RAB3GAP2: variants seen among roughly 807,000 people sequenced by gnomAD.
The protein encoded by RAB3GAP2 is RAB3 GTPase activating non-catalytic protein subunit 2, also known as rab3 GTPase-activating protein non-catalytic subunit.
In RAB3GAP2, 87 loss-of-function variants were observed where a neutral mutation model predicts 185.3. The ratio of observed to expected loss-of-function variants is 0.47; its 90% CI spans 0.39 to 0.56. The LOEUF (loss-of-function observed/expected upper bound fraction) is 0.56, where lower values mean the gene tolerates loss of function less well. Ranked by LOEUF, RAB3GAP2 falls within the 20% of genes least tolerant of loss-of-function variation. RAB3GAP2 has a pLI of 0.00. For synonymous variants in RAB3GAP2, 554 were observed against 576.1 expected (o/e 0.96, Z 0.55); for missense variants, 1,492 against 1,638.2 (o/e 0.91, Z 1.54).
intron 24 of RAB3GAP2, among the ~76,000 whole-genome samples, chr1:220,168,559 G>A (rs891686635): frequency 1.2e-4 from 18 of 151,346 alleles, no homozygotes; most frequent in Non-Finnish European, 1.5e-4. Context: ...CACCATGCCC[G>A]GCTAAATTTT....
At chr1:220,208,626 A>G (rs1659019321) in intron 7 of RAB3GAP2, among the ~76,000 whole-genome samples, 1 of 152,244 alleles carries the variant, frequency 6.6e-6, no homozygotes, top group East Asian at 1.9e-4. Flanking sequence ...GGCATTCCTC[A>G]GGATAAGTAT....
At chr1:220,213,123 A>G (rs991262203) in intron 3 of RAB3GAP2, among the ~76,000 whole-genome samples, 155 bp from the exon 4 acceptor site, 2 of 152,230 alleles carry the variant, frequency 1.3e-5, no homozygotes, top group Non-Finnish European at 2.9e-5. Flanking sequence ...AATATAAGAT[A>G]AACATGTTTA....
chr1:220,177,467 G>C (rs963527370), intron 21 of RAB3GAP2, among the ~76,000 whole-genome samples: 13 of 152,126 alleles, frequency 8.5e-5, no homozygotes, highest in African/African-American at 3.1e-4. Flanking sequence ...AATGGACAAA[G>C]AAAGGCACCA....
chr1:220,211,087 T>A, intron 4 of RAB3GAP2, 85 bp from the exon 5 acceptor site: 1 of 1,322,836 alleles, frequency 7.6e-7, no homozygotes. Flanking sequence ...TAAAGGATAA[T>A]AACTGGAAGA....
At chr1:220,198,070 C>T (rs1239944492) in intron 9 of RAB3GAP2, among the ~76,000 whole-genome samples, 1 of 152,090 alleles carries the variant, frequency 6.6e-6, no homozygotes, top group African/African-American at 2.4e-5. Context: ...TTATCAAGTA[C>T]CTCTTGGGAT....
Position 220,190,372 on chromosome 1 carries a change from C to A in RAB3GAP2, c.1631+5G>T, listed in dbSNP as rs1427648438. 10 of 1,613,946 alleles carry A rather than the reference C, an allele frequency of 6.2e-6. No homozygotes were observed. The highest frequency in any genetic ancestry group is 8.5e-6 in the Non-Finnish European group (10 of 1,179,982). ...CGTCAATCAGCAACACTGGACACAC[C>A]TTACCTCAGTGCTAAATGGAAGGGA... On this transcript the variant is annotated splice_donor_5th_base_variant and intron_variant, in intron 15 of 34. Coordinates refer to ENST00000358951, the MANE Select transcript of RAB3GAP2 (RefSeq NM_012414.4).
At chr1:220,253,992 T>G in intron 1 of RAB3GAP2, 1 of 1,613,836 alleles carries the variant, frequency 6.2e-7, no homozygotes. Context: ...CCCGGGTAGA[T>G]CCTACTGTTG....
intron 2 of RAB3GAP2, among the ~76,000 whole-genome samples, chr1:220,222,513 T>C (rs960208440): frequency 1.3e-5 from 2 of 152,152 alleles, no homozygotes; most frequent in Admixed American, 1.3e-4. Flanking sequence ...CTTTCTAAAT[T>C]TGATTTGAAG....
At position 220,151,476 on chromosome 1, in the gene RAB3GAP2, T is replaced by C. The variant is rs897110147; in HGVS notation, c.4027-70A>G. Reference sequence around the variant, plus strand: ...ATAATTGTTATTGACTTAAGAGTTATTACATAAAAATGCTTTTCTTTGTAA... The same window carrying C: ...ATAATTGTTATTGACTTAAGAGTTACTACATAAAAATGCTTTTCTTTGTAA... On this transcript the variant is annotated intron_variant, in intron 34 of 34. Transcript: ENST00000358951. 14 of 1,606,340 alleles carry C rather than the reference T, an allele frequency of 8.7e-6. No individual in the cohort carries two copies. In the African/African-American group the frequency reaches 1.7e-4, roughly 20 times the overall value.
intron 1 of RAB3GAP2, among the ~76,000 whole-genome samples, chr1:220,250,859 T>C (rs1659919069): frequency 6.6e-6 from 1 of 152,216 alleles, no homozygotes; most frequent in South Asian, 2.1e-4. Flanking sequence ...ATGTGTTTGC[T>C]TCCCCTTCCT....
chr1:220,184,004 T>C, intron 19 of RAB3GAP2, 32 bp downstream of exon 19: 1 of 1,426,602 alleles, frequency 7.0e-7, no homozygotes, highest in Non-Finnish European at 9.5e-7. Context: ...AAAGAGATTA[T>C]TTTATATAAT....
chr1:220,180,400 T>C (rs1558146594), intron 21 of RAB3GAP2, among the ~76,000 whole-genome samples: 2 of 152,114 alleles, frequency 1.3e-5, no homozygotes, highest in South Asian at 2.1e-4. Context: ...AACCTTTAGT[T>C]AGACTAAGAA....
chr1:220,193,184 C>G (rs886754278), intron 13 of RAB3GAP2, 56 bp downstream of exon 13: 9 of 1,593,646 alleles, frequency 5.6e-6, no homozygotes, highest in Admixed American at 5.0e-5. Flanking sequence ...TAACATTGCT[C>G]AACTATTGGG....
At chr1:220,267,883 G>T in intron 1 of RAB3GAP2, 1 of 822,680 alleles carries the variant, frequency 1.2e-6, no homozygotes, top group Non-Finnish European at 2.1e-6. Context: ...GCCTCAACAG[G>T]CCCTGAAATG....
intron 21 of RAB3GAP2, among the ~76,000 whole-genome samples, chr1:220,177,139 C>T (rs2102862308): frequency 6.6e-6 from 1 of 152,332 alleles, no homozygotes; most frequent in Non-Finnish European, 1.5e-5. Flanking sequence ...AGGTCCCTGG[C>T]CAGTATTCCC....
chr1:220,271,700 G>T (rs1450991731), intron 1 of RAB3GAP2, among the ~76,000 whole-genome samples: 3 of 152,100 alleles, frequency 2.0e-5, no homozygotes, highest in African/African-American at 7.2e-5. Context: ...AAAGAAGGGA[G>T]AGTGTGGGGG....
intron 28 of RAB3GAP2, among the ~76,000 whole-genome samples, chr1:220,161,189 G>A (rs1657957600): frequency 6.6e-6 from 1 of 152,168 alleles, no homozygotes; most frequent in Admixed American, 6.5e-5. Context: ...CAAGGAAGAT[G>A]AGCACAGAGG....
chr1:220,187,328 C>A (rs1266092370), intron 17 of RAB3GAP2, among the ~76,000 whole-genome samples: 2 of 151,958 alleles, frequency 1.3e-5, no homozygotes, highest in African/African-American at 4.8e-5. Flanking sequence ...CTAGGAGAAC[C>A]TTTTGTTCTA....
chr1:220,232,167 T>C (rs1295771578), intron 2 of RAB3GAP2, among the ~76,000 whole-genome samples: 2 of 152,174 alleles, frequency 1.3e-5, no homozygotes, highest in South Asian at 2.1e-4. Context: ...AAAAGAATAA[T>C]TTATGAAAGA....
Sources: gnomAD v4.1 joint callset for allele counts (sites outside exome capture counted in the v4.1 genomes callset) on GRCh38, gnomAD v4.1.1 for gene constraint, MANE v1.5 for transcripts, NCBI Gene and HGNC (gene_info 2026-07-23, HGNC 2026-07-21) for gene names.